Variants in TEN1 observed in about 807,000 individuals in gnomAD.
TEN1 encodes the protein TEN1 subunit of CST complex.
A neutral mutation model predicts 9.3 loss-of-function variants in TEN1; 6 were observed. The observed-to-expected ratio is 0.65, with a 90% CI of 0.35 to 1.27. The LOEUF (loss-of-function observed/expected upper bound fraction) is 1.27. Among genes scored for constraint, TEN1 ranks in the 50% most tolerant of loss-of-function variants. The pLI, the probability that TEN1 is intolerant of heterozygous loss-of-function variation, is 0.03. For missense variants in TEN1, 149 were observed against 158.2 expected (o/e 0.94, Z 0.31); for synonymous variants, 65 against 65.6 (o/e 0.99, Z 0.04).
chr17:75,998,241 C>T (rs1218672215), intron 3 of TEN1, among the ~76,000 whole-genome samples: 1 of 148,062 alleles, frequency 6.8e-6, no homozygotes, highest in Non-Finnish European at 1.5e-5. Context: ...AATCTTGGCT[C>T]ACTGCGACAT....
intron 1 of TEN1, among the ~76,000 whole-genome samples, chr17:75,982,458 T>C (rs1245653938): frequency 1.3e-5 from 2 of 152,254 alleles, no homozygotes; most frequent in African/African-American, 4.8e-5. Context: ...TACAGTAGAA[T>C]GTCCCTTAAT....
At position 75,991,348 on chromosome 17, in the gene TEN1, T is replaced by C. The variant is rs2066184567; in HGVS notation, c.93-118T>C. On this transcript the variant is annotated intron_variant, in intron 2 of 3. Transcript: ENST00000397640. ...CTGGTTTGTTGCTGCAATTTGCATT[T>C]CTGTGATGAGACTGAGGCTGAACAC... 7.4e-6 allele frequency: 8 copies of C among 1,083,576 alleles called. No homozygotes were observed. In the Middle Eastern group the frequency reaches 1.6e-3, roughly 211 times the overall value. 67.1% of individuals were successfully genotyped at this position (1,083,576 alleles called of 1,614,324 possible). A position where few individuals can be genotyped will look rare whatever the true frequency, so the allele number is the denominator to read the frequency against.
chr17:75,993,811 A>G (rs890681172), intron 3 of TEN1, among the ~76,000 whole-genome samples: 4 of 151,988 alleles, frequency 2.6e-5, no homozygotes, highest in Non-Finnish European at 5.9e-5. Flanking sequence ...CCTGGCTAAC[A>G]TGGCGAAACC....
At position 75,979,358 on chromosome 17, in the gene TEN1, T is replaced by C; in HGVS notation, c.-160T>C. 3 of 550,234 alleles carry C rather than the reference T, an allele frequency of 5.5e-6. No individual in the cohort carries two copies. The highest frequency in any genetic ancestry group is 4.0e-5 in the South Asian group (2 of 49,762). The allele number at this position is 550,234 out of a possible 1,614,324, so 34.1% of individuals were successfully genotyped here. A position where few individuals can be genotyped will look rare whatever the true frequency, so the allele number is the denominator to read the frequency against. ...TGGCCAGGGGAGGCTCCCGAGCGGA[T>C]CCTCGGGAAAGGGGCTCCGAAGGTC... On this transcript the variant is annotated 5_prime_UTR_variant, in exon 1 of 4. Coordinates refer to ENST00000397640, the MANE Select transcript of TEN1 (RefSeq NM_001113324.3).
chr17:75,980,625 A>G (rs1477132972), intron 1 of TEN1, among the ~76,000 whole-genome samples: 2 of 152,044 alleles, frequency 1.3e-5, no homozygotes, highest in Non-Finnish European at 2.9e-5. Flanking sequence ...GGATTTTGCC[A>G]TGTTGGCCAG....
chr17:75,992,862 C>T (rs568061337), intron 3 of TEN1, among the ~76,000 whole-genome samples: 46 of 146,360 alleles, frequency 3.1e-4, no homozygotes, highest in African/African-American at 1.1e-3. Flanking sequence ...TGCAGTGGCG[C>T]GATCTCAGCC....
intron 3 of TEN1, among the ~76,000 whole-genome samples, chr17:75,994,431 T>C (rs2066206431): frequency 1.5e-5 from 2 of 131,418 alleles, no homozygotes; most frequent in Non-Finnish European, 3.4e-5. Context: ...CAAAACTCCG[T>C]CTCAAAAAAA....
chr17:75,997,451 G>A (rs1289767157), intron 3 of TEN1, among the ~76,000 whole-genome samples: 2 of 151,972 alleles, frequency 1.3e-5, no homozygotes, highest in East Asian at 1.9e-4. Context: ...ATTGCTTTAT[G>A]AGCCAGCTAG....
At chr17:75,986,843 C>A (rs185824542) in intron 2 of TEN1, among the ~76,000 whole-genome samples, 10 of 152,114 alleles carry the variant, frequency 6.6e-5, no homozygotes, top group African/African-American at 1.9e-4. Flanking sequence ...CCACTGCTAA[C>A]CTTTGGTGAT....
intron 2 of TEN1, among the ~76,000 whole-genome samples, chr17:75,990,632 G>A (rs1300400852): frequency 1.3e-5 from 2 of 150,978 alleles, no homozygotes; most frequent in African/African-American, 2.4e-5. Flanking sequence ...CCAGGAGTTC[G>A]AGACCAGTGT....
In TEN1 at chr17:75,986,202, C is replaced by T; in HGVS notation, c.10C>T (p.Pro4Ser). 1.3e-6 allele frequency: 2 copies of T among 1,548,798 alleles called. No individual in the cohort carries two copies. Among genetic ancestry groups the T allele is most frequent in the Non-Finnish European group, 1.7e-6 (2 of 1,145,702 alleles). MML[P>S]KPGTYYLPWE... ...TTGGTTACAGGAGCCCATGATGCTG[C>T]CCAAACCTGGGACCTATTACCTCCC... Residue 4 changes from proline to serine, a missense_variant, in exon 2 of 4, where the codon CCC (proline) becomes TCC (serine). Transcript: ENST00000397640.
At chr17:75,990,050 A>AT (rs1014192071) in intron 2 of TEN1, among the ~76,000 whole-genome samples, 1,468 of 136,466 alleles carry the variant, frequency 0.011, 6 homozygotes, top group Non-Finnish European at 0.016. Flanking sequence ...CCCAACCTAG[A>AT]TTTTTTTTTT....
chr17:75,980,647 A>G (rs2066111234), intron 1 of TEN1, among the ~76,000 whole-genome samples: 1 of 152,144 alleles, frequency 6.6e-6, no homozygotes, highest in Non-Finnish European at 1.5e-5. Context: ...CTGGTCTCGA[A>G]TTCCTGACCT....
At chr17:75,998,097 C>G (rs1378298279) in intron 3 of TEN1, among the ~76,000 whole-genome samples, 1 of 149,774 alleles carries the variant, frequency 6.7e-6, no homozygotes, top group Non-Finnish European at 1.5e-5. Context: ...GGTGATCCGC[C>G]TGCGTCAGCC....
chr17:75,996,492 AAAT>A (rs1191854583), intron 3 of TEN1, among the ~76,000 whole-genome samples: 4 of 151,672 alleles, frequency 2.6e-5, no homozygotes, highest in East Asian at 1.9e-4. Context: ...TCTCAAAAAA[AAAT>A]AATAATAATA....
At chr17:75,999,924 A>G (rs1011967174) in intron 3 of TEN1, among the ~76,000 whole-genome samples, 7 of 152,098 alleles carry the variant, frequency 4.6e-5, no homozygotes, top group Middle Eastern at 3.4e-3. Flanking sequence ...TTTTCTGACC[A>G]CCTGCTAAGT....
At chr17:75,982,870 C>T (rs932198388) in intron 1 of TEN1, among the ~76,000 whole-genome samples, 8 of 151,388 alleles carry the variant, frequency 5.3e-5, no homozygotes, top group African/African-American at 1.9e-4. Context: ...GCCATCATGC[C>T]TGGCTAATTT....
At chr17:75,990,615 C>T (rs959008099) in intron 2 of TEN1, among the ~76,000 whole-genome samples, 2 of 150,222 alleles carry the variant, frequency 1.3e-5, no homozygotes, top group South Asian at 2.1e-4. Flanking sequence ...AGGTGGATCA[C>T]GTGAGCCCAG....
intron 3 of TEN1, among the ~76,000 whole-genome samples, chr17:75,993,857 G>A (rs12051605): frequency 0.3 from 46,242 of 151,976 alleles, 8,822 homozygotes; most frequent in East Asian, 0.62. Context: ...TTAGCCGGGC[G>A]TGGTGGCACA....
Sources: allele counts gnomAD v4.1 joint callset (sites outside exome capture counted in the v4.1 genomes callset), GRCh38; gene constraint gnomAD v4.1.1; transcripts MANE v1.5; gene names NCBI Gene and HGNC (gene_info 2026-07-23, HGNC 2026-07-21).